Variants in FAM168A observed in about 807,000 individuals in gnomAD.
The protein encoded by FAM168A is protein FAM168A.
In FAM168A, 3 loss-of-function variants were observed where a neutral mutation model predicts 28.5. The observed-to-expected ratio is 0.11, with a 90% CI of 0.05 to 0.27. The LOEUF is 0.27. Among genes scored for constraint, FAM168A ranks in the 10% least tolerant of loss-of-function variants. The pLI is 1.00. For missense variants in FAM168A, 222 were observed against 311.5 expected (o/e 0.71, Z 2.16); for synonymous variants, 122 against 124.2 (o/e 0.98, Z 0.12).
chr11:73,409,095 G>A lies in FAM168A; in HGVS notation c.595+392C>T, dbSNP rs542189132. On this transcript the variant is annotated intron_variant, in intron 6 of 7. Coordinates refer to ENST00000356467, the MANE Select transcript of FAM168A (RefSeq NM_015159.3). The stretch of plus-strand genomic sequence containing the variant: ...CTTGACCCCCATTGTGTGCAACAGA[G>A]GTACCACAAGGTATTCAGGACTTTC... 2.0e-4 allele frequency among the ~76,000 whole-genome samples: 30 copies of A among 152,182 alleles called. 1 individual carries two copies. The South Asian group carries it at 6.2e-3, about 32-fold the overall frequency.
intron 4 of FAM168A, among the ~76,000 whole-genome samples, chr11:73,414,289 G>A (rs1866663813): frequency 6.6e-6 from 1 of 152,166 alleles, no homozygotes; most frequent in Non-Finnish European, 1.5e-5. Context: ...CTACTTTCCT[G>A]CTACAATGGT....
chr11:73,457,373 G>C (rs1867552269), intron 2 of FAM168A, among the ~76,000 whole-genome samples: 1 of 150,942 alleles, frequency 6.6e-6, no homozygotes, highest in African/African-American at 2.4e-5. Context: ...CTGTGGGACA[G>C]AGTGAAACTC....
chr11:73,573,725 AGACAGGAGGTTGGCTGGAG>A lies in FAM168A; in HGVS notation c.-19+24179_-19+24197del, dbSNP rs548254075. Among the ~76,000 whole-genome samples the A allele has an allele frequency of 2.2e-3, 339 of 152,258 alleles. 1 individual carries two copies. Among genetic ancestry groups the A allele is most frequent in the Non-Finnish European group, 3.8e-3 (257 of 68,016 alleles). ...AGGCCAAGACAGGAGGTTGGCTGGA[AGACAGGAGGTTGGCTGGAG>A]GACAGGAGTTCGAAACCAGTCTGGG... is the stretch of plus-strand genomic sequence containing the variant. On this transcript the variant is annotated intron_variant, in intron 1 of 7. Transcript: ENST00000356467.
chr11:73,529,515 G>A (rs1039738386), intron 1 of FAM168A, among the ~76,000 whole-genome samples: 2 of 152,200 alleles, frequency 1.3e-5, no homozygotes, highest in East Asian at 1.9e-4. Context: ...TCACCCTTTA[G>A]GAAAGAGGAT....
intron 1 of FAM168A, among the ~76,000 whole-genome samples, chr11:73,521,979 G>A (rs1204453772): frequency 6.6e-6 from 1 of 152,144 alleles, no homozygotes; most frequent in Non-Finnish European, 1.5e-5. Flanking sequence ...TCTCAAGGAA[G>A]TTGAAACTGT....
At chr11:73,544,933 ATATTATG>A (rs1943715859) in intron 1 of FAM168A, among the ~76,000 whole-genome samples, 1 of 92,256 alleles carries the variant, frequency 1.1e-5, no homozygotes, top group Non-Finnish European at 1.9e-5. Context: ...AATATAAAAT[ATATTATG>A]TAATATATAA....
chr11:73,468,309 G>T, intron 2 of FAM168A, 96 bp downstream of exon 2: 1 of 1,158,050 alleles, frequency 8.6e-7, no homozygotes, highest in African/African-American at 1.5e-5. Context: ...ACTTTCCCAA[G>T]ACTTTTGGAG....
In FAM168A at chr11:73,595,006, TAA is replaced by T. The variant is rs1944428017; in HGVS notation, c.-19+2915_-19+2916del. On this transcript the variant is annotated intron_variant, in intron 1 of 7. Transcript: ENST00000356467. The stretch of plus-strand genomic sequence containing the variant: ...AAGATATCGGGAGGATCAAATGAGG[TAA>T]AGATACAAAAACACATTACTACTAC... Among the ~76,000 whole-genome samples the T allele has an allele frequency of 2.6e-5, 4 of 152,004 alleles. No homozygotes were observed. In the South Asian group the frequency reaches 8.3e-4, roughly 32 times the overall value.
At chr11:73,430,623 T>C (rs972523314) in intron 3 of FAM168A, 67 bp downstream of exon 3, 56 of 1,461,090 alleles carry the variant, frequency 3.8e-5, no homozygotes, top group Non-Finnish European at 5.3e-5. Context: ...AGCAAGTGGT[T>C]TTGCTTTTCC....
intron 1 of FAM168A, among the ~76,000 whole-genome samples, chr11:73,501,539 C>T (rs545106729): frequency 6.6e-6 from 1 of 152,332 alleles, no homozygotes; most frequent in East Asian, 1.9e-4. Context: ...AAGAAACTCG[C>T]TCAAAACCAC....
At chr11:73,490,731 C>G (rs1390619202) in intron 1 of FAM168A, among the ~76,000 whole-genome samples, 1 of 152,176 alleles carries the variant, frequency 6.6e-6, no homozygotes, top group Non-Finnish European at 1.5e-5. Context: ...CCTAAAAGTG[C>G]AAACCTTTAA....
chr11:73,543,419 C>A (rs1184933207), intron 1 of FAM168A, among the ~76,000 whole-genome samples: 1 of 152,020 alleles, frequency 6.6e-6, no homozygotes, highest in Non-Finnish European at 1.5e-5. Flanking sequence ...CGCCACCATG[C>A]CCAGCTAATT....
At chr11:73,566,292 T>C (rs952349014) in intron 1 of FAM168A, among the ~76,000 whole-genome samples, 5 of 152,250 alleles carry the variant, frequency 3.3e-5, no homozygotes, top group Non-Finnish European at 5.9e-5. Flanking sequence ...TAAATAATAT[T>C]AAAAATAAAA....
At chr11:73,566,391 T>C (rs931156535) in intron 1 of FAM168A, among the ~76,000 whole-genome samples, 2 of 152,200 alleles carry the variant, frequency 1.3e-5, no homozygotes, top group Non-Finnish European at 2.9e-5. Context: ...ATGTAATCAA[T>C]AAAAATTAAA....
chr11:73,446,616 C>T (rs1418968297), intron 2 of FAM168A, among the ~76,000 whole-genome samples: 1 of 152,154 alleles, frequency 6.6e-6, no homozygotes, highest in Non-Finnish European at 1.5e-5. Context: ...GATTCCTCCT[C>T]CTCCCTCACT....
chr11:73,474,183 T>C (rs1269644319), intron 1 of FAM168A, among the ~76,000 whole-genome samples: 1 of 152,080 alleles, frequency 6.6e-6, no homozygotes, highest in Non-Finnish European at 1.5e-5. Context: ...AGGTAATTAA[T>C]AATGAACAGA....
chr11:73,511,005 C>A (rs1855212832), intron 1 of FAM168A, among the ~76,000 whole-genome samples: 1 of 152,150 alleles, frequency 6.6e-6, no homozygotes, highest in South Asian at 2.1e-4. Flanking sequence ...AAGCTCCACA[C>A]AAACCCTCCA....
chr11:73,529,617 A>C (rs549532572), intron 1 of FAM168A, among the ~76,000 whole-genome samples: 2 of 152,300 alleles, frequency 1.3e-5, no homozygotes, highest in Admixed American at 1.3e-4. Context: ...CATGACAGGC[A>C]CAAGAAAAAT....
rs566565978 is a variant in FAM168A at position 73,587,266 on chromosome 11, G to A, written c.-19+10657C>T. 1.4e-4 allele frequency among the ~76,000 whole-genome samples: 22 copies of A among 152,000 alleles called. No homozygotes were observed. The East Asian group carries it at 3.7e-3, about 25-fold the overall frequency. On this transcript the variant is annotated intron_variant, in intron 1 of 7. Coordinates refer to ENST00000356467, the MANE Select transcript of FAM168A (RefSeq NM_015159.3). ...AGAACTTTGGGAGGCCGAGGTGGGCGGATCACCTGAGGTCAGGAGTTCGAG... is the reference window on the plus strand; with the variant it reads ...AGAACTTTGGGAGGCCGAGGTGGGCAGATCACCTGAGGTCAGGAGTTCGAG...
Sources: allele counts gnomAD v4.1 joint callset (sites outside exome capture counted in the v4.1 genomes callset), GRCh38; gene constraint gnomAD v4.1.1; transcripts MANE v1.5; gene names NCBI Gene and HGNC (gene_info 2026-07-23, HGNC 2026-07-21).